ASH1L: variants seen among roughly 807,000 people sequenced by gnomAD.
The protein encoded by ASH1L is ASH1 like histone lysine methyltransferase.
ASH1L carries 23 observed loss-of-function variants against 269.0 expected under a neutral mutation model. That is an observed-to-expected ratio of 0.09 (90% CI 0.06 to 0.12). The LOEUF (loss-of-function observed/expected upper bound fraction) is 0.12. ASH1L is among the 10% of genes least tolerant of loss of function. The pLI, the probability that ASH1L is intolerant of heterozygous loss-of-function variation, is 1.00. For synonymous variants in ASH1L, 1,187 were observed against 1,253.5 expected (o/e 0.95, Z 1.12); for missense variants, 2,912 against 3,567.8 (o/e 0.82, Z 4.68).
chr1:155,548,383 G>A (rs1670973813), intron 1 of ASH1L, among the ~76,000 whole-genome samples: 1 of 151,986 alleles, frequency 6.6e-6, no homozygotes, highest in South Asian at 2.1e-4. Context: ...TTAGCCGGGC[G>A]TGTTTGGCAC....
At chr1:155,422,868 T>C (rs1471721666) in intron 5 of ASH1L, among the ~76,000 whole-genome samples, 1 of 151,944 alleles carries the variant, frequency 6.6e-6, no homozygotes, top group Non-Finnish European at 1.5e-5. Context: ...CAGGCTGGTC[T>C]TGAACTACTG....
chr1:155,545,207 A>AAG (rs1670720124), intron 1 of ASH1L, among the ~76,000 whole-genome samples: 1 of 145,038 alleles, frequency 6.9e-6, no homozygotes, highest in Non-Finnish European at 1.5e-5. Context: ...AAAAAAAAAA[A>AAG]GCTATGTTTT....
intron 2 of ASH1L, among the ~76,000 whole-genome samples, chr1:155,496,524 G>A (rs918429483): frequency 6.6e-6 from 1 of 152,168 alleles, no homozygotes; most frequent in South Asian, 2.1e-4. Flanking sequence ...CAGAACTACC[G>A]GTTCTAATGG....
At chr1:155,542,681 A>AT (rs139373080) in intron 1 of ASH1L, among the ~76,000 whole-genome samples, 26 of 127,324 alleles carry the variant, frequency 2.0e-4, no homozygotes, top group African/African-American at 5.8e-4. Flanking sequence ...TAATTAATTA[A>AT]TTTTTTTTTT....
At chr1:155,502,568 T>G (rs1174823754) in intron 2 of ASH1L, among the ~76,000 whole-genome samples, 1 of 152,198 alleles carries the variant, frequency 6.6e-6, no homozygotes. Flanking sequence ...AAGATCACCC[T>G]GACACTGAAG....
chr1:155,507,234 C>A (rs191836795), intron 2 of ASH1L, among the ~76,000 whole-genome samples: 279 of 150,828 alleles, frequency 1.8e-3, no homozygotes, highest in Non-Finnish European at 2.6e-3. Context: ...GTGCCGAGAT[C>A]GCGCCATGGC....
intron 19 of ASH1L, among the ~76,000 whole-genome samples, chr1:155,348,911 TACACAC>T (rs59676231): frequency 0.032 from 4,486 of 140,326 alleles, 79 homozygotes; most frequent in Non-Finnish European, 0.043. Context: ...TATATATATA[TACACAC>T]ACACACACAC....
At chr1:155,383,802 TAC>T (rs1204913404) in intron 7 of ASH1L, among the ~76,000 whole-genome samples, 1 of 152,144 alleles carries the variant, frequency 6.6e-6, no homozygotes, top group Non-Finnish European at 1.5e-5. Flanking sequence ...GTTTAATGGG[TAC>T]AGAGTTACAG....
chr1:155,421,062 C>A (rs571044093), intron 5 of ASH1L, among the ~76,000 whole-genome samples: 1 of 150,900 alleles, frequency 6.6e-6, no homozygotes, highest in Non-Finnish European at 1.5e-5. Context: ...CATAGTCAGA[C>A]CCCATCTTTG....
At chr1:155,358,432 A>G (rs1239109677) in intron 13 of ASH1L, among the ~76,000 whole-genome samples, 2 of 151,720 alleles carry the variant, frequency 1.3e-5, no homozygotes, top group African/African-American at 4.8e-5. Context: ...CATGCCTGTA[A>G]TCCAGCACTT....
At chr1:155,504,088 G>A (rs1398981214) in intron 2 of ASH1L, among the ~76,000 whole-genome samples, 3 of 152,120 alleles carry the variant, frequency 2.0e-5, no homozygotes, top group African/African-American at 4.8e-5. Flanking sequence ...AAAGGTAAAC[G>A]TTATTAAGTA....
chr1:155,431,494 C>G (rs1661596390), intron 5 of ASH1L, among the ~76,000 whole-genome samples: 1 of 152,002 alleles, frequency 6.6e-6, no homozygotes, highest in Admixed American at 6.6e-5. Context: ...AGGTGCGGTG[C>G]TCACACCTGT....
chr1:155,556,692 C>A (rs1402506734), intron 1 of ASH1L, among the ~76,000 whole-genome samples: 1 of 152,066 alleles, frequency 6.6e-6, no homozygotes, highest in African/African-American at 2.4e-5. Flanking sequence ...CTGCCCACCT[C>A]GGCCTCCCAA....
At chr1:155,438,066 T>C (rs1031912333) in intron 5 of ASH1L, among the ~76,000 whole-genome samples, 2 of 152,168 alleles carry the variant, frequency 1.3e-5, no homozygotes, top group Admixed American at 1.3e-4. Flanking sequence ...CAGGCTGGTC[T>C]TGAACTCCTC....
intron 5 of ASH1L, among the ~76,000 whole-genome samples, chr1:155,429,962 C>A (rs1037367798): frequency 2.0e-5 from 3 of 151,720 alleles, no homozygotes; most frequent in Admixed American, 2.0e-4. Flanking sequence ...CACATCAGCA[C>A]GTCCAGCTGA....
At chr1:155,345,601 G>T (rs1344795523) in intron 21 of ASH1L, among the ~76,000 whole-genome samples, 10 of 129,728 alleles carry the variant, frequency 7.7e-5, no homozygotes, top group South Asian at 2.4e-4. Flanking sequence ...TTGAGACAGT[G>T]TCTTGCTCTG....
intron 1 of ASH1L, among the ~76,000 whole-genome samples, chr1:155,560,672 A>G (rs1378364149): frequency 6.6e-6 from 1 of 152,122 alleles, no homozygotes; most frequent in Non-Finnish European, 1.5e-5. Flanking sequence ...CAGTCAACAA[A>G]TATTTGTTGA....
At chr1:155,550,972 C>T (rs1349381738) in intron 1 of ASH1L, among the ~76,000 whole-genome samples, 1 of 151,930 alleles carries the variant, frequency 6.6e-6, no homozygotes, top group African/African-American at 2.4e-5. Flanking sequence ...CAGGTATGTG[C>T]CACAATGCCT....
At chr1:155,426,729 A>G (rs910941510) in intron 5 of ASH1L, among the ~76,000 whole-genome samples, 1 of 152,210 alleles carries the variant, frequency 6.6e-6, no homozygotes, top group Non-Finnish European at 1.5e-5. Context: ...GACTATTTCT[A>G]GGCTACACCT....
Sources: allele counts gnomAD v4.1 joint callset (sites outside exome capture counted in the v4.1 genomes callset), GRCh38; gene constraint gnomAD v4.1.1; transcripts MANE v1.5; gene names NCBI Gene and HGNC (gene_info 2026-07-23, HGNC 2026-07-21).